Variants in ST6GALNAC3 observed in about 807,000 individuals in gnomAD.
The protein encoded by ST6GALNAC3 is alpha-N-acetylgalactosaminide alpha-2,6-sialyltransferase 3.
In ST6GALNAC3, 25 loss-of-function variants were observed where a neutral mutation model predicts 32.7. The observed-to-expected ratio is 0.76, with a 90% confidence interval of 0.56 to 1.07. The LOEUF (loss-of-function observed/expected upper bound fraction) is 1.07, where lower values mean the gene tolerates loss of function less well. Among genes scored for constraint, ST6GALNAC3 ranks in the 50% least tolerant of loss-of-function variants. The pLI, the probability that ST6GALNAC3 is intolerant of heterozygous loss-of-function variation, is 0.00. For missense variants in ST6GALNAC3, 355 were observed against 382.4 expected (o/e 0.93, Z 0.60); for synonymous variants, 129 against 133.1 (o/e 0.97, Z 0.21).
intron 3 of ST6GALNAC3, among the ~76,000 whole-genome samples, chr1:76,444,957 A>G (rs2101526837): frequency 6.6e-6 from 1 of 152,350 alleles, no homozygotes; most frequent in East Asian, 1.9e-4. Context: ...AAGGCATATA[A>G]AAATGCCAAG....
intron 1 of ST6GALNAC3, among the ~76,000 whole-genome samples, chr1:76,155,721 C>T (rs1276672841): frequency 1.3e-5 from 2 of 152,076 alleles, no homozygotes; most frequent in African/African-American, 4.8e-5. Context: ...TCGTGATCCA[C>T]CTGCCTTGGC....
At chr1:76,351,448 T>A (rs1427024613) in intron 2 of ST6GALNAC3, among the ~76,000 whole-genome samples, 1 of 152,150 alleles carries the variant, frequency 6.6e-6, no homozygotes, top group African/African-American at 2.4e-5. Context: ...TTTCAATTTT[T>A]TTAGTATAAA....
At chr1:76,457,649 A>G (rs1385302989) in intron 3 of ST6GALNAC3, among the ~76,000 whole-genome samples, 3 of 152,134 alleles carry the variant, frequency 2.0e-5, no homozygotes, top group African/African-American at 7.2e-5. Context: ...TTCCCTATTT[A>G]ATAAATGGTG....
intron 1 of ST6GALNAC3, among the ~76,000 whole-genome samples, chr1:76,309,269 C>T (rs1204073881): frequency 2.6e-5 from 4 of 151,626 alleles, no homozygotes; most frequent in East Asian, 3.9e-4. Context: ...GGTTTTATTT[C>T]GGTTTTTTCA....
chr1:76,468,480 A>G (rs1299248148), intron 3 of ST6GALNAC3, among the ~76,000 whole-genome samples: 1 of 152,054 alleles, frequency 6.6e-6, no homozygotes, highest in Non-Finnish European at 1.5e-5. Context: ...ACATATATTG[A>G]AAGAGATTGG....
At chr1:76,467,317 A>G (rs1488993991) in intron 3 of ST6GALNAC3, among the ~76,000 whole-genome samples, 1 of 152,000 alleles carries the variant, frequency 6.6e-6, no homozygotes, top group Non-Finnish European at 1.5e-5. Context: ...TGGCGTAAGT[A>G]GGCTTTTTGG....
chr1:76,323,219 A>G (rs1647002977), intron 2 of ST6GALNAC3, among the ~76,000 whole-genome samples: 1 of 152,202 alleles, frequency 6.6e-6, no homozygotes, highest in African/African-American at 2.4e-5. Flanking sequence ...AATAAAATAC[A>G]TGGGAAGCAA....
intron 3 of ST6GALNAC3, among the ~76,000 whole-genome samples, chr1:76,468,884 TGGAA>T (rs1658834292): frequency 6.6e-6 from 1 of 152,012 alleles, no homozygotes. Flanking sequence ...GACATGTGAA[TGGAA>T]GGAAGGAGGG....
chr1:76,469,581 A>G (rs1218014061), intron 3 of ST6GALNAC3, among the ~76,000 whole-genome samples: 1 of 152,088 alleles, frequency 6.6e-6, no homozygotes, highest in Non-Finnish European at 1.5e-5. Context: ...TGGTATGCTG[A>G]TCGAATGTGA....
At chr1:76,369,559 A>G (rs375120012) in intron 2 of ST6GALNAC3, among the ~76,000 whole-genome samples, 6 of 152,184 alleles carry the variant, frequency 3.9e-5, no homozygotes, top group African/African-American at 1.4e-4. Flanking sequence ...TGATGGAGCT[A>G]GGAATATAAC....
At chr1:76,564,342 A>G (rs1259107190) in intron 3 of ST6GALNAC3, among the ~76,000 whole-genome samples, 1 of 152,086 alleles carries the variant, frequency 6.6e-6, no homozygotes, top group Non-Finnish European at 1.5e-5. Flanking sequence ...TGTATTTGTA[A>G]TTTTATTTTT....
intron 2 of ST6GALNAC3, among the ~76,000 whole-genome samples, chr1:76,359,427 G>A (rs1429731580): frequency 6.6e-5 from 10 of 152,064 alleles, no homozygotes; most frequent in Admixed American, 4.6e-4. Context: ...AATATCATGC[G>A]GAAAGATAGA....
chr1:76,576,229 G>T (rs1646804729), intron 3 of ST6GALNAC3, among the ~76,000 whole-genome samples: 1 of 151,936 alleles, frequency 6.6e-6, no homozygotes, highest in African/African-American at 2.4e-5. Flanking sequence ...TTAGTTATTG[G>T]CAATGGGTGT....
chr1:76,348,583 C>CT (rs1010885825), intron 2 of ST6GALNAC3, among the ~76,000 whole-genome samples: 4 of 150,478 alleles, frequency 2.7e-5, no homozygotes, highest in Admixed American at 6.6e-5. Context: ...GATTTTCCAA[C>CT]TTTTTTTCTT....
intron 1 of ST6GALNAC3, among the ~76,000 whole-genome samples, chr1:76,250,255 G>T (rs1339411110): frequency 1.3e-5 from 2 of 152,162 alleles, no homozygotes; most frequent in African/African-American, 4.8e-5. Flanking sequence ...AGCAGTTCTT[G>T]TCAGGCTTCA....
In ST6GALNAC3 at chr1:76,097,058, A is replaced by G. The variant is rs191599877; in HGVS notation, c.18+22174A>G. On this transcript the variant is annotated intron_variant, in intron 1 of 4. Transcript: ENST00000328299. The stretch of plus-strand genomic sequence containing the variant: ...CTCAGCCTCCCAAGTAGCTAGGACT[A>G]CAGGCATGTGCCACCACGCCCGGCT... Among the ~76,000 whole-genome samples the G allele has an allele frequency of 9.4e-3, 1,434 of 152,156 alleles. 68 individuals carry two copies. The highest frequency in any genetic ancestry group is 0.082 in the Admixed American group (1,256 of 15,278).
intron 1 of ST6GALNAC3, among the ~76,000 whole-genome samples, chr1:76,245,433 G>T (rs1212687226): frequency 1.3e-5 from 2 of 151,984 alleles, no homozygotes; most frequent in African/African-American, 4.8e-5. Context: ...ATCTCCTTCA[G>T]TTCTGCTCTG....
intron 1 of ST6GALNAC3, among the ~76,000 whole-genome samples, chr1:76,271,085 T>C (rs1363999596): frequency 6.6e-6 from 1 of 152,184 alleles, no homozygotes; most frequent in Non-Finnish European, 1.5e-5. Context: ...TTTTATAAAT[T>C]GATCCTCATA....
At chr1:76,167,418 T>C (rs1198543591) in intron 1 of ST6GALNAC3, among the ~76,000 whole-genome samples, 1 of 152,078 alleles carries the variant, frequency 6.6e-6, no homozygotes, top group Non-Finnish European at 1.5e-5. Flanking sequence ...TTGTAGTTGA[T>C]ATTCATCCAG....
Sources: gnomAD v4.1 joint callset for allele counts (sites outside exome capture counted in the v4.1 genomes callset) on GRCh38, gnomAD v4.1.1 for gene constraint, MANE v1.5 for transcripts, NCBI Gene and HGNC (gene_info 2026-07-23, HGNC 2026-07-21) for gene names.